TBC1D14: variants seen among roughly 807,000 people sequenced by gnomAD.
The protein encoded by TBC1D14 is TBC1 domain family, member 14.
A neutral mutation model predicts 79.0 loss-of-function variants in TBC1D14; 26 were observed. That is an observed-to-expected ratio of 0.33 (90% confidence interval 0.24 to 0.46). The LOEUF (loss-of-function observed/expected upper bound fraction) is 0.46, where lower values mean the gene tolerates loss of function less well. Among genes scored for constraint, TBC1D14 ranks in the 20% least tolerant of loss-of-function variants. The pLI is 1.00. For missense variants in TBC1D14, 769 were observed against 887.6 expected (o/e 0.87, Z 1.70); for synonymous variants, 394 against 349.9 (o/e 1.13, Z -1.40).
chr4:6,964,535 T>C (rs1715530418), intron 2 of TBC1D14, among the ~76,000 whole-genome samples: 1 of 152,204 alleles, frequency 6.6e-6, no homozygotes, highest in Admixed American at 6.5e-5. Flanking sequence ...TTTAACCTGG[T>C]TTAATTGCCT....
At chr4:6,951,681 A>AT (rs11458733) in intron 2 of TBC1D14, among the ~76,000 whole-genome samples, 150,912 of 152,320 alleles carry the variant, frequency 0.99, 74,773 homozygotes, top group Middle Eastern at 1. Context: ...GCCAATAAAT[A>AT]ATTTGTCGAA....
chr4:7,006,182 A>G (rs1164093503), intron 8 of TBC1D14, among the ~76,000 whole-genome samples: 2 of 152,176 alleles, frequency 1.3e-5, no homozygotes, highest in Non-Finnish European at 2.9e-5. Context: ...AAAAAGATAA[A>G]AGAAAAAAGA....
chr4:7,007,399 C>G, intron 9 of TBC1D14: 1 of 466,524 alleles, frequency 2.1e-6, no homozygotes, highest in Non-Finnish European at 3.7e-6. Context: ...TTCTTTGAGC[C>G]AGCAGACGTT....
intron 12 of TBC1D14, among the ~76,000 whole-genome samples, chr4:7,022,966 G>A (rs1721976659): frequency 1.3e-5 from 2 of 152,108 alleles, no homozygotes; most frequent in African/African-American, 4.8e-5. Flanking sequence ...TATAAAAACT[G>A]TTGTTTTGGC....
chr4:7,006,793 A>G (rs554136113), intron 9 of TBC1D14, 67 bp downstream of exon 9: 20 of 1,469,100 alleles, frequency 1.4e-5, no homozygotes, highest in Non-Finnish European at 1.8e-5. Context: ...TGAACTGTGT[A>G]TATTTGTTGT....
intron 2 of TBC1D14, among the ~76,000 whole-genome samples, chr4:6,964,316 G>C (rs572974364): frequency 6.6e-6 from 1 of 152,026 alleles, no homozygotes; most frequent in East Asian, 1.9e-4. Context: ...CCCACACTCC[G>C]CGGCTTCTGT....
At chr4:7,023,443 G>A (rs1722028217) in intron 12 of TBC1D14, among the ~76,000 whole-genome samples, 1 of 152,110 alleles carries the variant, frequency 6.6e-6, no homozygotes, top group African/African-American at 2.4e-5. Flanking sequence ...ATGCTCTCCA[G>A]GTACAATTGA....
intron 2 of TBC1D14, among the ~76,000 whole-genome samples, chr4:6,944,289 C>T (rs955684607): frequency 1.3e-5 from 2 of 152,124 alleles, no homozygotes; most frequent in Non-Finnish European, 2.9e-5. Context: ...ACAATTAAAA[C>T]GTGTTCGTAT....
chr4:6,980,206 C>G lies in TBC1D14; in HGVS notation c.843+12782C>G, dbSNP rs182774130. 1.3e-3 allele frequency among the ~76,000 whole-genome samples: 196 copies of G among 152,248 alleles called. 1 individual carries two copies. Among genetic ancestry groups the G allele is most frequent in the African/African-American group, 4.3e-3 (180 of 41,530 alleles). On this transcript the variant is annotated intron_variant, in intron 3 of 13. Coordinates refer to ENST00000409757, the MANE Select transcript of TBC1D14 (RefSeq NM_020773.3). ...GGATTAAAATTATACAAAATATGTTCTGACCAGAGTGATATTAGACTAGAA... is the reference window on the plus strand; with the variant it reads ...GGATTAAAATTATACAAAATATGTTGTGACCAGAGTGATATTAGACTAGAA...
chr4:7,007,116 G>A (rs1390790465), intron 9 of TBC1D14, among the ~76,000 whole-genome samples: 2 of 152,160 alleles, frequency 1.3e-5, no homozygotes, highest in East Asian at 1.9e-4. Flanking sequence ...GATGGGCTTC[G>A]GCTCAGATGA....
At chr4:6,975,488 G>T (rs1310941146) in intron 3 of TBC1D14, among the ~76,000 whole-genome samples, 1 of 152,184 alleles carries the variant, frequency 6.6e-6, no homozygotes, top group African/African-American at 2.4e-5. Context: ...TGGGATTACA[G>T]GTGTGAGCCA....
chr4:7,019,142 C>G (rs1288583471), intron 12 of TBC1D14, among the ~76,000 whole-genome samples: 1 of 152,072 alleles, frequency 6.6e-6, no homozygotes, highest in Non-Finnish European at 1.5e-5. Context: ...CTGCTTCAGC[C>G]TCCTGAGTAG....
intron 2 of TBC1D14, among the ~76,000 whole-genome samples, chr4:6,953,023 CTTTTTTT>C (rs371101904): frequency 1.2e-4 from 13 of 107,104 alleles, no homozygotes; most frequent in Admixed American, 3.3e-4. Context: ...TTTTTTCTTT[CTTTTTTT>C]TTTTTTTTTT....
chr4:7,027,757 T>C (rs1482855371), intron 13 of TBC1D14, among the ~76,000 whole-genome samples: 5 of 95,976 alleles, frequency 5.2e-5, no homozygotes, highest in Non-Finnish European at 7.8e-5. Flanking sequence ...ACATACACAA[T>C]CACCCCACAC....
intron 2 of TBC1D14, among the ~76,000 whole-genome samples, chr4:6,966,514 A>G (rs1715710438): frequency 6.6e-6 from 1 of 152,216 alleles, no homozygotes; most frequent in Non-Finnish European, 1.5e-5. Flanking sequence ...AATTTAAGCT[A>G]GGGGTTACGT....
intron 4 of TBC1D14, 128 bp downstream of exon 4, chr4:6,994,430 T>C: frequency 1.3e-6 from 1 of 779,436 alleles, no homozygotes; most frequent in South Asian, 1.6e-5. Context: ...TCACTTCTTA[T>C]TCTCTATATT....
intron 13 of TBC1D14, among the ~76,000 whole-genome samples, chr4:7,026,538 A>G (rs1193835947): frequency 6.6e-6 from 1 of 152,174 alleles, no homozygotes; most frequent in Non-Finnish European, 1.5e-5. Flanking sequence ...AGCCTCTGTA[A>G]TATCTATGCC....
At chr4:6,962,759 T>C (rs1715340606) in intron 2 of TBC1D14, among the ~76,000 whole-genome samples, 1 of 152,078 alleles carries the variant, frequency 6.6e-6, no homozygotes, top group Admixed American at 6.5e-5. Context: ...TCAGAGGGAC[T>C]CCTTCCTGCT....
At chr4:6,978,054 C>T (rs950694022) in intron 3 of TBC1D14, among the ~76,000 whole-genome samples, 3 of 151,868 alleles carry the variant, frequency 2.0e-5, no homozygotes, top group East Asian at 2.0e-4. Context: ...GCAGCCACCC[C>T]GTCTGGGAGG....
Sources: gnomAD v4.1 joint callset for allele counts (sites outside exome capture counted in the v4.1 genomes callset) on GRCh38, gnomAD v4.1.1 for gene constraint, MANE v1.5 for transcripts, NCBI Gene and HGNC (gene_info 2026-07-23, HGNC 2026-07-21) for gene names.